The following DAGLA variants were observed in gnomAD, a reference collection of about 807,000 sequenced individuals.
DAGLA encodes the protein diacylglycerol lipase alpha.
DAGLA carries 22 observed loss-of-function variants against 102.6 expected under a neutral mutation model. That is an observed-to-expected ratio of 0.21 (90% CI 0.15 to 0.31). The LOEUF (loss-of-function observed/expected upper bound fraction) is 0.31, where lower values mean the gene tolerates loss of function less well. DAGLA is among the 10% of genes least tolerant of loss of function. The pLI, the probability that DAGLA is intolerant of heterozygous loss-of-function variation, is 1.00. For missense variants in DAGLA, 927 were observed against 1,446.6 expected (o/e 0.64, Z 5.83); for synonymous variants, 578 against 628.9 (o/e 0.92, Z 1.21).
chr11:61,712,566 G>A (rs187311874), intron 1 of DAGLA, among the ~76,000 whole-genome samples: 75 of 152,322 alleles, frequency 4.9e-4, no homozygotes, highest in Non-Finnish European at 9.3e-4. Context: ...CCCAGTCCTG[G>A]GCAGGCTCCG....
chr11:61,722,461 G>A (rs198427), intron 3 of DAGLA, among the ~76,000 whole-genome samples: 38,589 of 151,986 alleles, frequency 0.25, 5,132 homozygotes, highest in East Asian at 0.46. Context: ...TGGTGGGTGC[G>A]TGTAATCCCA....
At chr11:61,742,431 G>A (rs1447981013) in intron 19 of DAGLA, among the ~76,000 whole-genome samples, 1 of 152,192 alleles carries the variant, frequency 6.6e-6, no homozygotes, top group Non-Finnish European at 1.5e-5. Context: ...ACAACTGGAC[G>A]TCTCTCCCTG....
chr11:61,719,258 T>C (rs959849791), intron 1 of DAGLA, among the ~76,000 whole-genome samples: 7 of 152,082 alleles, frequency 4.6e-5, no homozygotes, highest in Admixed American at 4.6e-4. Context: ...CTTCAGAGAG[T>C]TGAAAATCCA....
intron 19 of DAGLA, 34 bp downstream of exon 19, chr11:61,741,383 G>T (rs370043982): frequency 1.9e-6 from 3 of 1,589,592 alleles, no homozygotes; most frequent in Non-Finnish European, 8.5e-7. Context: ...CCACCCCAGG[G>T]TGAGTGTGGT....
chr11:61,714,460 G>A (rs2158505), intron 1 of DAGLA, among the ~76,000 whole-genome samples: 99,560 of 152,210 alleles, frequency 0.65, 32,907 homozygotes, highest in East Asian at 0.94. Flanking sequence ...CTCCCTGCAG[G>A]TTTATCTCCT....
chr11:61,704,262 G>A (rs1052409137), intron 1 of DAGLA, among the ~76,000 whole-genome samples: 10 of 152,100 alleles, frequency 6.6e-5, no homozygotes, highest in Non-Finnish European at 7.3e-5. Context: ...GGGATTACAG[G>A]CGCGTGCCAC....
chr11:61,735,059 G>A lies in DAGLA; in HGVS notation c.1128+57G>A, dbSNP rs554503710. On this transcript the variant is annotated intron_variant, in intron 10 of 19. Transcript: ENST00000257215. ...AGGAGCAGGCAGCTGAGGGCCTAGGGTGCTGAGGCTATCCTTCCAGGCCGG... is the reference window on the plus strand; with the variant it reads ...AGGAGCAGGCAGCTGAGGGCCTAGGATGCTGAGGCTATCCTTCCAGGCCGG... 390 of 1,579,876 alleles carry A rather than the reference G, an allele frequency of 2.5e-4. 7 individuals are homozygous for A. The South Asian group carries it at 3.7e-3, about 15-fold the overall frequency.
At chr11:61,712,558 C>A (rs1367287443) in intron 1 of DAGLA, among the ~76,000 whole-genome samples, 1 of 152,240 alleles carries the variant, frequency 6.6e-6, no homozygotes, top group Admixed American at 6.5e-5. Flanking sequence ...AATCTGGCCC[C>A]AGTCCTGGGC....
intron 3 of DAGLA, 74 bp from the exon 4 acceptor site, chr11:61,722,785 C>A: frequency 2.3e-6 from 3 of 1,324,720 alleles, no homozygotes; most frequent in Non-Finnish European, 2.2e-6. Context: ...TAGGAAAGGC[C>A]AGGCCGGGGT....
chr11:61,718,073 A>C (rs2065250992), intron 1 of DAGLA, among the ~76,000 whole-genome samples: 1 of 152,018 alleles, frequency 6.6e-6, no homozygotes, highest in Non-Finnish European at 1.5e-5. Flanking sequence ...GAGTGAGAGG[A>C]GGGACCTCCC....
chr11:61,731,474 C>T (rs750378830), intron 9 of DAGLA, 33 bp downstream of exon 9: 38 of 1,609,344 alleles, frequency 2.4e-5, no homozygotes, highest in Non-Finnish European at 3.1e-5. Context: ...CCAGCGATTG[C>T]ACCTCTCCTC....
chr11:61,743,527 T>C lies in DAGLA; in HGVS notation c.2172-5T>C. On this transcript the variant is annotated splice_region_variant and splice_polypyrimidine_tract_variant and intron_variant, in intron 19 of 19. Coordinates refer to ENST00000257215, the MANE Select transcript of DAGLA (RefSeq NM_006133.3). The stretch of plus-strand genomic sequence containing the variant: ...TATACCCCCTGCTCTCCTCTCCCTC[T>C]GCAGGAGCAAGTCCCAGTCTGAGAT... 2 of 1,511,130 alleles carry C rather than the reference T, an allele frequency of 1.3e-6. No homozygotes were observed. Among genetic ancestry groups the C allele is most frequent in the Non-Finnish European group, 1.8e-6 (2 of 1,136,104 alleles). The allele number at this position is 1,511,130 out of a possible 1,614,324, so 93.6% of individuals were successfully genotyped here. A position where few individuals can be genotyped will look rare whatever the true frequency, so the allele number is the denominator to read the frequency against.
chr11:61,739,648 G>A lies in DAGLA; in HGVS notation c.1840G>A (p.Ala614Thr). ...CATCCACGTGGTCCACAACCACCCT[G>A]CAGAGCAGTGCTGGTAGGTTCTGCC... ...RIIHVVHNHP[A>T]EQCCCCEQEE... The change falls in exon 17 of 20, where the codon GCA becomes ACA. Residue 614 changes from alanine to threonine, a missense_variant. By Grantham distance (58) the Ala-to-Thr change is moderately conservative (BLOSUM62 0). This residue lies in a region of DAGLA where 218 missense variants were observed against 459.6 expected (regional missense o/e 0.47). Transcript: ENST00000257215. The A allele has an allele frequency of 1.2e-6, 2 of 1,613,824 alleles. No individual in the cohort carries two copies. Among genetic ancestry groups the A allele is most frequent in the Non-Finnish European group, 1.7e-6 (2 of 1,180,012 alleles).
At chr11:61,709,437 T>C (rs777996599) in intron 1 of DAGLA, among the ~76,000 whole-genome samples, 26 of 152,298 alleles carry the variant, frequency 1.7e-4, no homozygotes, top group Non-Finnish European at 3.8e-4. Flanking sequence ...GGTTTCACCA[T>C]GTTGGCTAGG....
In DAGLA at chr11:61,723,574, TCA is replaced by T; in HGVS notation, c.548+3_548+4del. 6.2e-7 allele frequency: 1 copy of T among 1,612,062 alleles called. No individual in the cohort carries two copies. The highest frequency in any genetic ancestry group is 8.5e-7 in the Non-Finnish European group (1 of 1,178,636). Reference sequence around the variant, plus strand: ...TAACCTGCGGACCTACAACCTGCGGTCAGTCAGCGGGCTGGGTGGGCAGTCCC... The same window carrying T: ...TAACCTGCGGACCTACAACCTGCGGTGTCAGCGGGCTGGGTGGGCAGTCCC... On this transcript the variant is annotated splice_donor_region_variant and intron_variant, in intron 5 of 19. Coordinates refer to ENST00000257215, the MANE Select transcript of DAGLA (RefSeq NM_006133.3).
chr11:61,696,342 C>T (rs774562771), intron 1 of DAGLA, among the ~76,000 whole-genome samples: 3 of 151,652 alleles, frequency 2.0e-5, no homozygotes, highest in Non-Finnish European at 2.9e-5. Context: ...GGTGGAGGTG[C>T]CCACTACCCT....
rs765193477 is a variant in DAGLA at position 61,743,994 on chromosome 11, G to A, written c.2634G>A (p.Glu878=). ...CCCCCAGTGCTGCGGCCAATGACGA[G>A]GAGGAAGAGGTTGGCGGTGGGGGTG... ...ERPPSAAAND[E]EEEVGGGGGG... The change falls in exon 20 of 20, where the codon GAG becomes GAA. Residue 878 remains glutamate, a synonymous_variant. Coordinates refer to ENST00000257215, the MANE Select transcript of DAGLA (RefSeq NM_006133.3). 9 of 1,612,030 alleles carry A rather than the reference G, an allele frequency of 5.6e-6. No individual in the cohort carries two copies. Among genetic ancestry groups the A allele is most frequent in the Non-Finnish European group, 7.6e-6 (9 of 1,179,674 alleles).
chr11:61,715,932 A>G (rs1436022034), intron 1 of DAGLA, among the ~76,000 whole-genome samples: 1 of 152,208 alleles, frequency 6.6e-6, no homozygotes, highest in African/African-American at 2.4e-5. Flanking sequence ...AGAACAGTTC[A>G]TCTAGCCAGA....
Position 61,734,708 on chromosome 11 carries a change from T to C in DAGLA, c.975-141T>C. The C allele has an allele frequency of 1.4e-6, 1 of 705,242 alleles. No homozygotes were observed. Among genetic ancestry groups the C allele is most frequent in the Non-Finnish European group, 2.3e-6 (1 of 426,070 alleles). The allele number at this position is 705,242 out of a possible 1,614,324, so 43.7% of individuals were successfully genotyped here. On this transcript the variant is annotated intron_variant, in intron 9 of 19. Coordinates refer to ENST00000257215, the MANE Select transcript of DAGLA (RefSeq NM_006133.3). This position sits in a 1 kb window ranked among gnomAD's most constrained non-coding sequence, Gnocchi z 4.2. ...GCCAGTGGATTTGGTGACGTGGGGGTCACTAGGACTTAGCAAGGGCAATTT... is the reference window on the plus strand; with the variant it reads ...GCCAGTGGATTTGGTGACGTGGGGGCCACTAGGACTTAGCAAGGGCAATTT...
Sources: gnomAD v4.1 joint callset for allele counts (sites outside exome capture counted in the v4.1 genomes callset) on GRCh38, gnomAD v4.1.1 for gene constraint, gnomAD v4.1.1 regional missense constraint, Gnocchi (gnomAD v3.1) non-coding constraint, MANE v1.5 for transcripts, NCBI Gene and HGNC (gene_info 2026-07-23, HGNC 2026-07-21) for gene names.